The following SH3PXD2B variants were observed in gnomAD, a reference collection of about 807,000 sequenced individuals.
SH3PXD2B encodes the protein SH3 and PX domain-containing protein 2B.
A neutral mutation model predicts 73.1 loss-of-function variants in SH3PXD2B; 37 were observed. That is an observed-to-expected ratio of 0.51 (90% CI 0.39 to 0.67). The LOEUF is 0.67. Among genes scored for constraint, SH3PXD2B ranks in the 30% least tolerant of loss-of-function variants. SH3PXD2B has a pLI of 0.00. For missense variants in SH3PXD2B, 1,053 were observed against 1,197.8 expected, an observed-to-expected ratio of 0.88 and a Z score of 1.78; for synonymous variants, 457 against 480.5, an observed-to-expected ratio of 0.95 and a Z score of 0.64.
intron 6 of SH3PXD2B, among the ~76,000 whole-genome samples, chr5:172,368,773 A>T (rs1313786343): frequency 8.2e-6 from 1 of 122,000 alleles, no homozygotes; most frequent in African/African-American, 3.1e-5. Context: ...TATAATATAC[A>T]TATATATTTA....
chr5:172,380,224 A>C (rs1274352002), intron 5 of SH3PXD2B, among the ~76,000 whole-genome samples: 1 of 150,818 alleles, frequency 6.6e-6, no homozygotes, highest in Non-Finnish European at 1.5e-5. Flanking sequence ...TGCCCGGCTA[A>C]TTTTTTTTTT....
rs1045902023 is a variant in SH3PXD2B at position 172,327,838 on chromosome 5, T to A, written c.1189-2458A>T. On this transcript the variant is annotated intron_variant, in intron 12 of 12. Transcript: ENST00000519643. ...GGCATAATCTTGGCTCAGTGCAACC[T>A]CTGCCTCCCAGGTTCAAGCAATTCT... is the stretch of plus-strand genomic sequence containing the variant. Among the ~76,000 whole-genome samples the A allele has an allele frequency of 6.0e-5, 9 of 149,758 alleles. No individual in the cohort carries two copies. The South Asian group carries it at 1.7e-3, about 28-fold the overall frequency.
At chr5:172,333,100 G>C (rs948815641), downstream of SH3PXD2B, among the ~76,000 whole-genome samples, 2 of 348 alleles carry the variant, frequency 5.7e-3, no homozygotes, top group Non-Finnish European at 0.012. Context: ...CACGCCCGGC[G>C]AATTTTTGTA....
chr5:172,405,007 A>C (rs1214304595), intron 3 of SH3PXD2B, among the ~76,000 whole-genome samples: 1 of 152,250 alleles, frequency 6.6e-6, no homozygotes, highest in Non-Finnish European at 1.5e-5. Context: ...TGAGGAGCAA[A>C]CGAGGTAATG....
At position 172,368,514 on chromosome 5, in the gene SH3PXD2B, A is replaced by C. The variant is rs13174417; in HGVS notation, c.427+5276T>G. 2.4e-3 allele frequency among the ~76,000 whole-genome samples: 53 copies of C among 21,750 alleles called. 8 individuals are homozygous for C. The highest frequency in any genetic ancestry group is 0.015 in the African/African-American group (52 of 3,544). 14.3% of individuals were successfully genotyped at this position (21,750 alleles called of 152,430 possible). The stretch of plus-strand genomic sequence containing the variant: ...ATATATATTATATATATATATATAA[A>C]ATATATATATATTATATATATATAT... On this transcript the variant is annotated intron_variant, in intron 6 of 12. Coordinates refer to ENST00000311601, the MANE Select transcript of SH3PXD2B (RefSeq NM_001017995.3).
chr5:172,446,202 A>G (rs1389185401), intron 1 of SH3PXD2B, among the ~76,000 whole-genome samples: 2 of 152,154 alleles, frequency 1.3e-5, no homozygotes, highest in African/African-American at 4.8e-5. Flanking sequence ...AGCTCATTGG[A>G]TCTCCCCAAC....
At chr5:172,406,992 T>G (rs1758575682) in intron 2 of SH3PXD2B, among the ~76,000 whole-genome samples, 3 of 152,082 alleles carry the variant, frequency 2.0e-5, no homozygotes, top group African/African-American at 7.2e-5. Flanking sequence ...CAAAAACCTT[T>G]CATAGTACCA....
chr5:172,409,818 C>A (rs541509559), intron 2 of SH3PXD2B, among the ~76,000 whole-genome samples: 1 of 152,182 alleles, frequency 6.6e-6, no homozygotes, highest in Non-Finnish European at 1.5e-5. Flanking sequence ...TGGGTTCAAG[C>A]GATTCTCCTG....
chr5:172,380,527 A>G (rs1240819360), intron 5 of SH3PXD2B, among the ~76,000 whole-genome samples: 1 of 152,134 alleles, frequency 6.6e-6, no homozygotes, highest in Non-Finnish European at 1.5e-5. Flanking sequence ...CTTTGAGACT[A>G]TTTCCCCATA....
At chr5:172,422,246 C>T (rs1758982301) in intron 2 of SH3PXD2B, among the ~76,000 whole-genome samples, 170 bp downstream of exon 2, 1 of 152,192 alleles carries the variant, frequency 6.6e-6, no homozygotes, top group South Asian at 2.1e-4. Flanking sequence ...CCACCCACCT[C>T]CGCCTCCCAA....
chr5:172,341,574 C>A (rs1285263416), intron 12 of SH3PXD2B, among the ~76,000 whole-genome samples: 1 of 152,222 alleles, frequency 6.6e-6, no homozygotes, highest in African/African-American at 2.4e-5. Flanking sequence ...GATGCTGGCA[C>A]CATGCTTTCT....
downstream of SH3PXD2B, among the ~76,000 whole-genome samples, chr5:172,329,695 G>T (rs1343199331): frequency 1.1e-4 from 16 of 151,810 alleles, no homozygotes; most frequent in Non-Finnish European, 2.2e-4. Context: ...CCGCCACCAC[G>T]CCCGGCTAAT....
At chr5:172,330,539 A>G (rs1385663784), downstream of SH3PXD2B, among the ~76,000 whole-genome samples, 1 of 152,248 alleles carries the variant, frequency 6.6e-6, no homozygotes, top group Non-Finnish European at 1.5e-5. Context: ...TTCACATTGC[A>G]CACTAGTATG....
intron 12 of SH3PXD2B, among the ~76,000 whole-genome samples, chr5:172,344,980 AAAG>A (rs1361893526): frequency 4.7e-5 from 7 of 149,580 alleles, no homozygotes; most frequent in Non-Finnish European, 7.4e-5. Context: ...GGAGAGAAAG[AAAG>A]AAGGAGGAAG....
chr5:172,362,917 AAG>A (rs760898285), intron 6 of SH3PXD2B, 48 bp from the exon 7 acceptor site: 1 of 1,612,502 alleles, frequency 6.2e-7, no homozygotes, highest in African/African-American at 1.3e-5. Flanking sequence ...TCATGCATGA[AAG>A]AGCAGGAGTC....
intron 1 of SH3PXD2B, among the ~76,000 whole-genome samples, chr5:172,438,093 T>G (rs914229484): frequency 6.6e-6 from 1 of 152,146 alleles, no homozygotes; most frequent in East Asian, 1.9e-4. Context: ...CTGCCCCTCC[T>G]CTGCTCCAGC....
intron 10 of SH3PXD2B, among the ~76,000 whole-genome samples, chr5:172,348,644 A>G (rs1353091743): frequency 3.1e-5 from 2 of 64,536 alleles, no homozygotes; most frequent in African/African-American, 1.2e-4. Flanking sequence ...CTATGTATCT[A>G]TCTATCTATC....
intron 5 of SH3PXD2B, among the ~76,000 whole-genome samples, chr5:172,380,773 T>G (rs1275148015): frequency 6.6e-6 from 1 of 152,248 alleles, no homozygotes; most frequent in Admixed American, 6.5e-5. Context: ...CAGTCTCCCT[T>G]CACTCCAAAA....
Position 172,335,937 on chromosome 5 carries a change from A to C in SH3PXD2B, c.*2432T>G, listed in dbSNP as rs566748408. ...AGAATAATCATCATCATCATAGCAA[A>C]AGAGAATGGCAGATTCTTTCATTTG... On this transcript the variant is annotated 3_prime_UTR_variant, in exon 13 of 13. Transcript: ENST00000311601. 5.5e-4 allele frequency: 632 copies of C among 1,145,808 alleles called. 3 individuals carry two copies. In the African/African-American group the frequency reaches 9.3e-3, roughly 17 times the overall value. 71.0% of individuals were successfully genotyped at this position (1,145,808 alleles called of 1,614,324 possible).
Sources: gnomAD v4.1 joint callset for allele counts (sites outside exome capture counted in the v4.1 genomes callset) on GRCh38, gnomAD v4.1.1 for gene constraint, MANE v1.5 for transcripts, NCBI Gene and HGNC (gene_info 2026-07-23, HGNC 2026-07-21) for gene names.